ITGAE: variants seen among roughly 807,000 people sequenced by gnomAD.
The protein encoded by ITGAE is integrin subunit alpha E, also known as integrin alpha-E.
A neutral mutation model predicts 136.5 loss-of-function variants in ITGAE; 99 were observed. The ratio of observed to expected loss-of-function variants is 0.73; its 90% CI spans 0.62 to 0.86. The LOEUF (loss-of-function observed/expected upper bound fraction) is 0.86, where lower values mean the gene tolerates loss of function less well. ITGAE is among the 40% of genes least tolerant of loss of function. The pLI, the probability that ITGAE is intolerant of heterozygous loss-of-function variation, is 0.00. For synonymous variants in ITGAE, 613 were observed against 591.8 expected (o/e 1.04, Z -0.52); for missense variants, 1,447 against 1,515.3 (o/e 0.95, Z 0.75).
intron 1 of ITGAE, among the ~76,000 whole-genome samples, chr17:3,778,339 G>A (rs1476770423): frequency 6.6e-6 from 1 of 152,200 alleles, no homozygotes; most frequent in Admixed American, 6.5e-5. Context: ...GAGGCGGCTG[G>A]ATCACTTGAG....
chr17:3,769,222 A>T (rs2052364824), intron 2 of ITGAE, among the ~76,000 whole-genome samples: 3 of 151,954 alleles, frequency 2.0e-5, no homozygotes, highest in Non-Finnish European at 4.4e-5. Flanking sequence ...TCTGCCTGCG[A>T]TCCCTCCTGC....
chr17:3,724,318 C>T, intron 26 of ITGAE: 3 of 1,587,314 alleles, frequency 1.9e-6, no homozygotes, highest in Non-Finnish European at 1.7e-6. Flanking sequence ...AAGTGCAGCA[C>T]ACCCTGCGGC....
At chr17:3,786,689 A>G (rs1234230312) in intron 1 of ITGAE, among the ~76,000 whole-genome samples, 1 of 152,084 alleles carries the variant, frequency 6.6e-6, no homozygotes, top group African/African-American at 2.4e-5. Flanking sequence ...CAAGAGATTG[A>G]GACTATCCTG....
At chr17:3,730,680 C>A (rs2143010373) in intron 23 of ITGAE, among the ~76,000 whole-genome samples, 1 of 152,026 alleles carries the variant, frequency 6.6e-6, no homozygotes, top group East Asian at 1.9e-4. Context: ...CTACTGAACA[C>A]CCCCCTCCCC....
intron 1 of ITGAE, among the ~76,000 whole-genome samples, chr17:3,796,146 TCC>T (rs2053091218): frequency 1.3e-5 from 1 of 74,240 alleles, no homozygotes; most frequent in Non-Finnish European, 2.9e-5. Flanking sequence ...TGTGTGTGCA[TCC>T]GTGTGTGTGT....
chr17:3,752,244 T>C (rs2051889744), intron 14 of ITGAE, among the ~76,000 whole-genome samples: 1 of 152,182 alleles, frequency 6.6e-6, no homozygotes, highest in Admixed American at 6.5e-5. Context: ...TCTAGTTCCA[T>C]GGGCAGGGGT....
chr17:3,781,232 G>A (rs1257285539), intron 1 of ITGAE, among the ~76,000 whole-genome samples: 2 of 152,062 alleles, frequency 1.3e-5, no homozygotes. Flanking sequence ...TTTTGATGTT[G>A]TCATATTGTT....
At chr17:3,782,886 C>T in intron 1 of ITGAE, among the ~76,000 whole-genome samples, 1 of 152,180 alleles carries the variant, frequency 6.6e-6, no homozygotes. Flanking sequence ...GGAAGACACA[C>T]TCACCCATTT....
intron 1 of ITGAE, among the ~76,000 whole-genome samples, chr17:3,794,220 G>A (rs1269984613): frequency 6.6e-6 from 1 of 151,216 alleles, no homozygotes; most frequent in Non-Finnish European, 1.5e-5. Flanking sequence ...CTTGTGATCC[G>A]CCCGCCTCGG....
chr17:3,757,726 C>T lies in ITGAE; in HGVS notation c.1000G>A (p.Val334Ile), dbSNP rs1339385098. ...TVINSPKMQGVERFAIGVGEE... is the reference protein window; with the variant it reads ...TVINSPKMQGIERFAIGVGEE... ...CTTACCCCAATGGCAAAGCGCTCAACACCCTGCATTTTGGGGGAGTTGATG... is the reference window on the plus strand; with the variant it reads ...CTTACCCCAATGGCAAAGCGCTCAATACCCTGCATTTTGGGGGAGTTGATG... The change falls in exon 9 of 31, where the codon GTT (valine) becomes ATT (isoleucine). Residue 334 changes from valine (V) to isoleucine (I), a missense_variant. Physicochemically the swap from Val to Ile is conservative, Grantham distance 29. This residue lies in a region of ITGAE where 310 missense variants were observed against 416.1 expected (regional missense o/e 0.74). Coordinates refer to ENST00000263087, the MANE Select transcript of ITGAE (RefSeq NM_002208.5). 9.3e-6 allele frequency: 15 copies of T among 1,614,022 alleles called. No individual in the cohort carries two copies. The highest frequency in any genetic ancestry group is 1.3e-5 in the African/African-American group (1 of 74,928).
intron 2 of ITGAE, among the ~76,000 whole-genome samples, chr17:3,774,657 C>A (rs1450991552): frequency 6.6e-6 from 1 of 152,080 alleles, no homozygotes; most frequent in Non-Finnish European, 1.5e-5. Context: ...CCCAGCTACT[C>A]AGGAGGCTGA....
chr17:3,787,690 CTTTT>C (rs373882120), intron 1 of ITGAE, among the ~76,000 whole-genome samples: 1 of 140,378 alleles, frequency 7.1e-6, no homozygotes. Flanking sequence ...ATGGTTTTCT[CTTTT>C]TTTTTTTTTT....
chr17:3,796,053 G>GTGTGTGCA (rs1567565452), intron 1 of ITGAE, among the ~76,000 whole-genome samples: 1 of 15,036 alleles, frequency 6.7e-5, no homozygotes, highest in South Asian at 8.9e-4. Context: ...GTGTGCATCT[G>GTGTGTGCA]TGTGTGTGCA....
Position 3,763,873 on chromosome 17 carries a change from AG to A in ITGAE, c.242del (p.Pro81LeufsTer2). 1 of 1,613,522 alleles carries A rather than the reference AG, an allele frequency of 6.2e-7. No individual in the cohort carries two copies. Among genetic ancestry groups the A allele is most frequent in the Non-Finnish European group, 8.5e-7 (1 of 1,179,514 alleles). Reference protein sequence around the residue: ...SLVQDEILCHPVEHVPIPKGR... With the variant: ...SLVQDEILCHXVEHVPIPKGR... Reference sequence around the variant, plus strand: ...CTGGAGTTGGGGCTGACTTACCTACAGGATGGCAAAGGATTTCATCCTGGAC... The same window carrying A: ...CTGGAGTTGGGGCTGACTTACCTACAGATGGCAAAGGATTTCATCCTGGAC... On this transcript the variant is annotated frameshift_variant, in exon 3 of 31. Coordinates refer to ENST00000263087, the MANE Select transcript of ITGAE (RefSeq NM_002208.5). LOFTEE classifies it high-confidence loss of function.
chr17:3,770,826 C>A (rs966087970), intron 2 of ITGAE, among the ~76,000 whole-genome samples: 3 of 152,200 alleles, frequency 2.0e-5, no homozygotes, highest in Admixed American at 2.0e-4. Flanking sequence ...AAACTCTCTC[C>A]TGCACCCTGG....
chr17:3,748,523 G>T (rs2051778285), intron 16 of ITGAE, among the ~76,000 whole-genome samples: 6 of 152,122 alleles, frequency 3.9e-5, no homozygotes, highest in Admixed American at 3.9e-4. Context: ...GGAGGCGGAG[G>T]TTGCAGTGAG....
intron 2 of ITGAE, among the ~76,000 whole-genome samples, chr17:3,769,511 G>A (rs1361722679): frequency 6.6e-6 from 1 of 152,154 alleles, no homozygotes; most frequent in Non-Finnish European, 1.5e-5. Flanking sequence ...CCCCACTGCC[G>A]GGAGTTTGCA....
Position 3,798,836 on chromosome 17 carries a change from C to T in ITGAE, c.34+2275G>A, listed in dbSNP as rs1369782724. ...TGAAGACTGACTTGGGGACAGCAGG[C>T]CACAGGGTAAGAGGGCATGATGGGG... On this transcript the variant is annotated intron_variant, in intron 1 of 30. Transcript: ENST00000263087. The surrounding 1 kb of genome is among the most constrained non-coding windows in gnomAD (Gnocchi z 4.3). Among the ~76,000 whole-genome samples the T allele has an allele frequency of 7.2e-5, 11 of 152,216 alleles. No homozygotes were observed. Among genetic ancestry groups the T allele is most frequent in the Non-Finnish European group, 1.5e-5 (1 of 68,044 alleles).
At chr17:3,734,790 T>A in intron 21 of ITGAE, 27 bp downstream of exon 21, 1 of 1,613,392 alleles carries the variant, frequency 6.2e-7, no homozygotes, top group Non-Finnish European at 8.5e-7. Context: ...GTGAGGGACC[T>A]GTTTCCACAG....
Sources: allele counts gnomAD v4.1 joint callset (sites outside exome capture counted in the v4.1 genomes callset), GRCh38; gene constraint gnomAD v4.1.1; regional missense constraint gnomAD v4.1.1; non-coding constraint Gnocchi (gnomAD v3.1); transcripts MANE v1.5; gene names NCBI Gene and HGNC (gene_info 2026-07-23, HGNC 2026-07-21).